The following TMEM63A variants were observed in gnomAD, a reference collection of about 807,000 sequenced individuals.
TMEM63A encodes the protein mechanosensitive cation channel TMEM63A.
TMEM63A carries 76 observed loss-of-function variants against 100.6 expected under a neutral mutation model. The ratio of observed to expected loss-of-function variants is 0.76; its 90% CI spans 0.63 to 0.91. The LOEUF (loss-of-function observed/expected upper bound fraction) is 0.91. TMEM63A is among the 40% of genes least tolerant of loss of function. The pLI, the probability that TMEM63A is intolerant of heterozygous loss-of-function variation, is 0.00. For synonymous variants in TMEM63A, 401 were observed against 401.1 expected, an observed-to-expected ratio of 1.00 and a Z score of 0.00; for missense variants, 876 against 1,008.8, an observed-to-expected ratio of 0.87 and a Z score of 1.78.
chr1:225,860,694 ACCCCAGTTG>A, intron 14 of TMEM63A, 157 bp downstream of exon 14: 2 of 685,356 alleles, frequency 2.9e-6, no homozygotes, highest in Non-Finnish European at 4.3e-6. Context: ...CTGGGCAGAT[ACCCCAGTTG>A]GGCCACACCG....
intron 3 of TMEM63A, among the ~76,000 whole-genome samples, chr1:225,874,591 A>C (rs1670681567): frequency 1.3e-5 from 2 of 152,186 alleles, no homozygotes; most frequent in African/African-American, 4.8e-5. Context: ...CCACGCCACC[A>C]AGGCTGCCAG....
intron 15 of TMEM63A, 53 bp from the exon 16 acceptor site, chr1:225,857,070 C>T (rs1669661055): frequency 1.4e-6 from 2 of 1,451,370 alleles, no homozygotes; most frequent in South Asian, 1.4e-5. Flanking sequence ...GGCCACGCGG[C>T]TCTGAGGCCA....
chr1:225,858,404 C>T (rs942475319), intron 15 of TMEM63A, among the ~76,000 whole-genome samples: 4 of 146,866 alleles, frequency 2.7e-5, no homozygotes, highest in African/African-American at 1.0e-4. Context: ...CGGCTTACTG[C>T]AACCTCCACC....
At chr1:225,875,383 A>T (rs550442054) in intron 3 of TMEM63A, among the ~76,000 whole-genome samples, 30 of 152,264 alleles carry the variant, frequency 2.0e-4, no homozygotes, top group African/African-American at 7.0e-4. Flanking sequence ...TTCCCTCCCT[A>T]GACAGGGTCC....
Position 225,846,705 on chromosome 1 carries a change from G to A in TMEM63A, c.*234C>T, listed in dbSNP as rs554360279. On this transcript the variant is annotated 3_prime_UTR_variant, in exon 25 of 25. Transcript: ENST00000366835. ...GAAAAGTCCACCACATGGTCTTGGC[G>A]ACAAACCACTGGGGATGTCACCCCA... 4 of 251,316 alleles carry A rather than the reference G, an allele frequency of 1.6e-5. No individual in the cohort carries two copies. The highest frequency in any genetic ancestry group is 3.0e-5 in the Non-Finnish European group (4 of 131,748). The allele number at this position is 251,316 out of a possible 1,614,324, so 15.6% of individuals were successfully genotyped here. A position where few individuals can be genotyped will look rare whatever the true frequency, so the allele number is the denominator to read the frequency against.
chr1:225,863,940 A>C lies in TMEM63A; in HGVS notation c.747-1089T>G, dbSNP rs972673618. On this transcript the variant is annotated intron_variant, in intron 10 of 24. Transcript: ENST00000366835. ...AAAAAAAAAAAAAAAAAAAAAAAAAACCCAGCAAAATACATACTCACTATT... is the reference window on the plus strand; with the variant it reads ...AAAAAAAAAAAAAAAAAAAAAAAAACCCCAGCAAAATACATACTCACTATT... 22 of 18,180 alleles carry C rather than the reference A, an allele frequency of 1.2e-3. No homozygotes were observed. The Admixed American group carries it at 0.016, about 13-fold the overall frequency. The allele number at this position is 18,180 out of a possible 1,614,324, so 1.1% of individuals were successfully genotyped here. A position where few individuals can be genotyped will look rare whatever the true frequency, so the allele number is the denominator to read the frequency against.
chr1:225,844,753 T>C (rs1329956370), downstream of TMEM63A: 4 of 1,429,108 alleles, frequency 2.8e-6, no homozygotes, highest in East Asian at 7.4e-5. Flanking sequence ...CCAGGGGCCC[T>C]TGGATGGGAA....
At chr1:225,850,668 C>T (rs952323697) in intron 20 of TMEM63A, among the ~76,000 whole-genome samples, 3 of 152,182 alleles carry the variant, frequency 2.0e-5, no homozygotes, top group Non-Finnish European at 4.4e-5. Context: ...ACTCAGGCTG[C>T]AGAGCCCCTT....
At chr1:225,875,123 C>T (rs1670711818) in intron 3 of TMEM63A, among the ~76,000 whole-genome samples, 1 of 152,204 alleles carries the variant, frequency 6.6e-6, no homozygotes. Context: ...GAGTTTGATT[C>T]CCCTGAAGGC....
Position 225,856,657 on chromosome 1 carries a change from G to A in TMEM63A, c.1566C>T (p.Leu522=), listed in dbSNP as rs373734512. The change falls in exon 17 of 25, where the codon CTC becomes CTT. Residue 522 remains leucine, a synonymous_variant. Coordinates refer to ENST00000366835, the MANE Select transcript of TMEM63A (RefSeq NM_014698.3). ...FMVLILPSLG[L]TSLDFFFRWL... The stretch of plus-strand genomic sequence containing the variant: ...CAGAAGGTGGTGGCATATACCTGGT[G>A]AGACCCAGGGAGGGCAGGATCAGCA... The A allele has an allele frequency of 3.2e-5, 52 of 1,613,534 alleles. No homozygotes were observed. The highest frequency in any genetic ancestry group is 4.4e-5 in the Non-Finnish European group (52 of 1,179,828).
At chr1:225,850,144 C>G (rs952877063) in intron 20 of TMEM63A, 65 bp from the exon 21 acceptor site, 9 of 1,564,456 alleles carry the variant, frequency 5.8e-6, no homozygotes, top group Non-Finnish European at 7.8e-6. Flanking sequence ...TGTCCTCTTC[C>G]TCTCCGGGGC....
chr1:225,878,060 G>A (rs886866542), intron 2 of TMEM63A, among the ~76,000 whole-genome samples: 2 of 152,144 alleles, frequency 1.3e-5, no homozygotes, highest in Admixed American at 1.3e-4. Flanking sequence ...AACAACCAGG[G>A]AAGAAGGGAA....
intron 21 of TMEM63A, among the ~76,000 whole-genome samples, chr1:225,849,578 A>C (rs1669219813): frequency 6.6e-6 from 1 of 152,144 alleles, no homozygotes; most frequent in Non-Finnish European, 1.5e-5. Flanking sequence ...GGGACAATTG[A>C]CCAGGCCTTC....
downstream of TMEM63A, chr1:225,842,322 G>A (rs1371411323): frequency 1.4e-6 from 2 of 1,410,932 alleles, no homozygotes; most frequent in Middle Eastern, 1.8e-4. Context: ...CAGCTCTCTG[G>A]TCCCCAGGCC....
intron 6 of TMEM63A, among the ~76,000 whole-genome samples, chr1:225,868,762 C>A (rs1053093232): frequency 6.6e-6 from 1 of 152,090 alleles, no homozygotes; most frequent in African/African-American, 2.4e-5. Context: ...CCTGTCTCCC[C>A]CTCAGATGGA....
At chr1:225,842,233 G>T, downstream of TMEM63A, 3 of 735,096 alleles carry the variant, frequency 4.1e-6, no homozygotes, top group Non-Finnish European at 7.4e-6. Flanking sequence ...AGGAGTTAAG[G>T]CAGGCCTGTG....
intron 17 of TMEM63A, 40 bp downstream of exon 17, chr1:225,856,612 C>T (rs1455523351): frequency 2.5e-6 from 4 of 1,603,488 alleles, no homozygotes; most frequent in Non-Finnish European, 2.6e-6. Context: ...CCTGATGTGA[C>T]TCTTATTCTG....
At position 225,866,657 on chromosome 1, in the gene TMEM63A, T is replaced by C. The variant is rs372548855; in HGVS notation, c.592A>G (p.Ile198Val). ...TDNDLLWLHT[I>V]FAVIYLFLTV... ...AGGAAGAGGTAAATGACAGCAAAGA[T>C]GGTGTGCAGCCAAAGGAGGTCATTG... The change falls in exon 9 of 25, where the codon ATC becomes GTC. Residue 198 changes from isoleucine (I) to valine (V), a missense_variant. Around this residue, in one of 5 missense-constraint regions of TMEM63A, gnomAD observed 487 missense variants for 581.9 expected, o/e 0.84. Coordinates refer to ENST00000366835, the MANE Select transcript of TMEM63A (RefSeq NM_014698.3). 27 of 1,614,000 alleles carry C rather than the reference T, an allele frequency of 1.7e-5. No individual in the cohort carries two copies. In the African/African-American group the frequency reaches 3.1e-4, roughly 18 times the overall value.
In TMEM63A at chr1:225,859,315, G is replaced by C; in HGVS notation, c.1258C>G (p.Leu420Val). The change falls in exon 15 of 25, where the codon CTA (leucine) becomes GTA (valine). Residue 420 changes from leucine (L) to valine (V), a missense_variant. Physicochemically the swap from Leu to Val is conservative, Grantham distance 32. This residue lies in a region of TMEM63A where 487 missense variants were observed against 581.9 expected (regional missense o/e 0.84). Coordinates refer to ENST00000366835, the MANE Select transcript of TMEM63A (RefSeq NM_014698.3). ...GTGAAGTTGATGCCCAGCCACTGTA[G>C]CCACCAGCGGAGGCCCTGGATAGAG... is the stretch of plus-strand genomic sequence containing the variant. ...NLSIQGLRWW[L>V]QWLGINFTLF... 1 of 1,614,158 alleles carries C rather than the reference G, an allele frequency of 6.2e-7. No individual in the cohort carries two copies. Among genetic ancestry groups the C allele is most frequent in the African/African-American group, 1.3e-5 (1 of 75,040 alleles).
Sources: allele counts gnomAD v4.1 joint callset (sites outside exome capture counted in the v4.1 genomes callset), GRCh38; gene constraint gnomAD v4.1.1; regional missense constraint gnomAD v4.1.1; transcripts MANE v1.5; gene names NCBI Gene and HGNC (gene_info 2026-07-23, HGNC 2026-07-21).